The following LAMA2 variants were observed in gnomAD, a reference collection of about 807,000 sequenced individuals.
LAMA2 encodes the protein laminin subunit alpha-2.
LAMA2 carries 269 observed loss-of-function variants against 364.8 expected under a neutral mutation model. That is an observed-to-expected ratio of 0.74 (90% CI 0.67 to 0.82). The LOEUF is 0.82. Among genes scored for constraint, LAMA2 ranks in the 40% least tolerant of loss-of-function variants. The probability of loss-of-function intolerance (pLI) is 0.00; values close to 1 mark genes in which losing one functional copy is unlikely to be tolerated. For missense variants in LAMA2, 3,807 were observed against 3,873.2 expected (o/e 0.98, Z 0.45); for synonymous variants, 1,379 against 1,370.6 (o/e 1.01, Z -0.14).
At chr6:129,146,293 C>G (rs942441815) in intron 5 of LAMA2, among the ~76,000 whole-genome samples, 1 of 151,768 alleles carries the variant, frequency 6.6e-6, no homozygotes, top group Non-Finnish European at 1.5e-5. Context: ...TAAAAATAGT[C>G]TAGCCTCCAT....
At chr6:129,160,163 A>G (rs996901133) in intron 8 of LAMA2, among the ~76,000 whole-genome samples, 15 of 152,172 alleles carry the variant, frequency 9.9e-5, no homozygotes, top group South Asian at 6.2e-4. Context: ...AAGTAACTTC[A>G]GATTAAAATT....
At chr6:129,116,270 A>G (rs971166621) in intron 4 of LAMA2, among the ~76,000 whole-genome samples, 2 of 152,188 alleles carry the variant, frequency 1.3e-5, no homozygotes, top group Non-Finnish European at 2.9e-5. Context: ...AGGGACCTAC[A>G]TTCATTAAAT....
chr6:129,136,057 A>G (rs1256618725), intron 4 of LAMA2, among the ~76,000 whole-genome samples: 2 of 151,470 alleles, frequency 1.3e-5, no homozygotes, highest in African/African-American at 2.4e-5. Context: ...GGGAAGGGGG[A>G]AATTTGCATT....
At chr6:129,006,063 TA>T (rs1258673566) in intron 1 of LAMA2, among the ~76,000 whole-genome samples, 2 of 152,070 alleles carry the variant, frequency 1.3e-5, no homozygotes, top group African/African-American at 2.4e-5. Flanking sequence ...AAAGACCCCC[TA>T]ATTTTGAAAA....
intron 44 of LAMA2, among the ~76,000 whole-genome samples, chr6:129,444,093 G>C (rs999812386): frequency 1.3e-5 from 2 of 152,050 alleles, no homozygotes; most frequent in Non-Finnish European, 2.9e-5. Context: ...AATAGGCAAA[G>C]CTCTAAAAGA....
intron 58 of LAMA2, among the ~76,000 whole-genome samples, chr6:129,501,340 CTG>C (rs552854051): frequency 1.1e-3 from 160 of 152,290 alleles, no homozygotes; most frequent in African/African-American, 3.7e-3. Flanking sequence ...TTTTGCATAG[CTG>C]TGTGAATTTC....
intron 20 of LAMA2, among the ~76,000 whole-genome samples, chr6:129,291,953 C>T (rs972960427): frequency 6.6e-6 from 1 of 152,008 alleles, no homozygotes; most frequent in Non-Finnish European, 1.5e-5. Flanking sequence ...GTATTATATT[C>T]GCTTTAATTC....
Position 129,143,978 on chromosome 6 carries a change from C to T in LAMA2, c.717C>T (p.Arg239=), listed in dbSNP as rs950245862. ...AACTGCTAGAATTTACCTCCGCTCG[C>T]TATATTCGCCTGAGATTTCAGAGGA... The part of the protein sequence containing the change: ...SPELLEFTSA[R]YIRLRFQRIR... The change falls in exon 5 of 65, where the codon CGC becomes CGT. Residue 239 remains arginine, a synonymous_variant. Transcript: ENST00000421865. 1 of 1,612,408 alleles carries T rather than the reference C, an allele frequency of 6.2e-7. No homozygotes were observed. Among genetic ancestry groups the T allele is most frequent in the Non-Finnish European group, 8.5e-7 (1 of 1,178,838 alleles).
chr6:129,296,731 G>A (rs1773208223), intron 20 of LAMA2, among the ~76,000 whole-genome samples: 1 of 151,880 alleles, frequency 6.6e-6, no homozygotes, highest in South Asian at 2.1e-4. Flanking sequence ...TTACAAAGAA[G>A]TAATTACCGA....
intron 1 of LAMA2, among the ~76,000 whole-genome samples, chr6:128,913,924 C>T (rs559250356): frequency 6.6e-6 from 1 of 152,110 alleles, no homozygotes; most frequent in East Asian, 1.9e-4. Flanking sequence ...CTGTAGGTGC[C>T]ATTAAATTCA....
chr6:129,283,662 AGATTCATACT>A (rs1441254745), intron 18 of LAMA2, among the ~76,000 whole-genome samples: 3 of 151,222 alleles, frequency 2.0e-5, no homozygotes, highest in African/African-American at 7.3e-5. Flanking sequence ...TTTATCCTCA[AGATTCATACT>A]AGATATCAAA....
intron 12 of LAMA2, among the ~76,000 whole-genome samples, chr6:129,198,953 A>G (rs1782012903): frequency 6.6e-6 from 1 of 152,190 alleles, no homozygotes; most frequent in African/African-American, 2.4e-5. Context: ...TTAAAAATGC[A>G]AAATTATACA....
At chr6:129,084,159 A>G (rs531594374) in intron 3 of LAMA2, among the ~76,000 whole-genome samples, 1 of 152,328 alleles carries the variant, frequency 6.6e-6, no homozygotes, top group South Asian at 2.1e-4. Flanking sequence ...TCTGCAATAC[A>G]TATTTTGAAA....
chr6:128,962,153 TATATATATATATATATATA>T (rs1416325676), intron 1 of LAMA2, among the ~76,000 whole-genome samples: 1 of 101,250 alleles, frequency 9.9e-6, no homozygotes, highest in East Asian at 2.7e-4. Flanking sequence ...TATATATATA[TATATATATATATATATATA>T]TATATATATA....
chr6:129,166,366 T>C (rs1209028972), intron 9 of LAMA2, among the ~76,000 whole-genome samples: 1 of 152,168 alleles, frequency 6.6e-6, no homozygotes, highest in African/African-American at 2.4e-5. Context: ...GGACGCTTCT[T>C]CTCTAGAAAG....
intron 1 of LAMA2, among the ~76,000 whole-genome samples, chr6:129,009,862 A>G (rs1784658853): frequency 6.6e-6 from 1 of 152,164 alleles, no homozygotes; most frequent in African/African-American, 2.4e-5. Flanking sequence ...TGACGGGAGT[A>G]TGCTTTCTTG....
At position 128,883,253 on chromosome 6, in the gene LAMA2, G is replaced by A; in HGVS notation, c.8G>A (p.Gly3Glu). 6.4e-7 allele frequency: 1 copy of A among 1,553,904 alleles called. No homozygotes were observed. The highest frequency in any genetic ancestry group is 8.7e-7 in the Non-Finnish European group (1 of 1,149,394). The stretch of plus-strand genomic sequence containing the variant: ...CCGGTCGCGGCCACTACGATGCCGG[G>A]AGCCGCCGGGGTCCTCCTCCTTCTG... MP[G>E]AAGVLLLLLL... is the part of the protein sequence containing the mutation. The change falls in exon 1 of 65, where the codon GGA (glycine) becomes GAA (glutamate). Residue 3 changes from glycine (G) to glutamate (E), a missense_variant. By Grantham distance (98) the Gly-to-Glu change is moderately conservative. Coordinates refer to ENST00000421865, the MANE Select transcript of LAMA2 (RefSeq NM_000426.4).
At chr6:129,342,607 C>T (rs532921318) in intron 30 of LAMA2, 140 bp downstream of exon 30, 4 of 788,534 alleles carry the variant, frequency 5.1e-6, no homozygotes, top group African/African-American at 1.8e-5. Flanking sequence ...AATATAGAAA[C>T]ATGACAAAAG....
intron 4 of LAMA2, among the ~76,000 whole-genome samples, chr6:129,106,878 A>T (rs1458957407): frequency 7.2e-6 from 1 of 138,316 alleles, no homozygotes; most frequent in Non-Finnish European, 1.5e-5. Context: ...AAAAAAAAAT[A>T]TATATATATA....
Sources: allele counts gnomAD v4.1 joint callset (sites outside exome capture counted in the v4.1 genomes callset), GRCh38; gene constraint gnomAD v4.1.1; transcripts MANE v1.5; gene names NCBI Gene and HGNC (gene_info 2026-07-23, HGNC 2026-07-21).